The following SIN3B variants were observed in gnomAD, a reference collection of about 807,000 sequenced individuals.
SIN3B encodes SIN3 transcription regulator family member B.
A neutral mutation model predicts 120.2 loss-of-function variants in SIN3B; 19 were observed. The ratio of observed to expected loss-of-function variants is 0.16; its 90% CI spans 0.11 to 0.23. The LOEUF is 0.23. SIN3B is among the 10% of genes least tolerant of loss of function. The probability of loss-of-function intolerance (pLI) is 1.00; values close to 1 mark genes in which losing one functional copy is unlikely to be tolerated. For missense variants in SIN3B, 1,073 were observed against 1,573.0 expected, an observed-to-expected ratio of 0.68 and a Z score of 5.38; for synonymous variants, 654 against 653.2, an observed-to-expected ratio of 1.00 and a Z score of -0.02.
intron 7 of SIN3B, 83 bp from the exon 8 acceptor site, chr19:16,854,060 C>A: frequency 1.1e-6 from 1 of 946,040 alleles, no homozygotes; most frequent in South Asian, 1.5e-5. Flanking sequence ...TATCGCACAC[C>A]CATGTGGCTG....
In SIN3B at chr19:16,878,480, C is replaced by T. The variant is rs745508756; in HGVS notation, c.3163-17C>T. Reference sequence around the variant, plus strand: ...GGTCCAGCCCTCAGCTGCCCTGACACCCGGCCTCTTCAACAGGTGCAGCCC... The same window carrying T: ...GGTCCAGCCCTCAGCTGCCCTGACATCCGGCCTCTTCAACAGGTGCAGCCC... On this transcript the variant is annotated splice_polypyrimidine_tract_variant and intron_variant, in intron 18 of 18. Coordinates refer to ENST00000248054, the MANE Select transcript of SIN3B (RefSeq NM_001297595.2). 3 of 1,562,786 alleles carry T rather than the reference C, an allele frequency of 1.9e-6. No homozygotes were observed. The highest frequency in any genetic ancestry group is 2.6e-6 in the Non-Finnish European group (3 of 1,153,526).
At chr19:16,855,572 T>C (rs1384732178) in intron 8 of SIN3B, 2 of 150,952 alleles carry the variant, frequency 1.3e-5, no homozygotes, top group Non-Finnish European at 2.9e-5. Context: ...AATACAAAAA[T>C]TAGCCGGGCG....
In SIN3B at chr19:16,876,255, A is replaced by G; in HGVS notation, c.2766+27A>G. 2 of 1,594,694 alleles carry G rather than the reference A, an allele frequency of 1.3e-6. No homozygotes were observed. The highest frequency in any genetic ancestry group is 1.7e-6 in the Non-Finnish European group (2 of 1,168,020). On this transcript the variant is annotated intron_variant, in intron 15 of 18. Coordinates refer to ENST00000248054, the MANE Select transcript of SIN3B (RefSeq NM_001297595.2). The surrounding 1 kb of genome is among the most constrained non-coding windows in gnomAD (Gnocchi z 7.1). ...TGAGAGGAGGCCTGGGGCTGGGAACACGCCGGGAGGCCCGGCCGCTCACTC... is the reference window on the plus strand; with the variant it reads ...TGAGAGGAGGCCTGGGGCTGGGAACGCGCCGGGAGGCCCGGCCGCTCACTC...
Position 16,871,391 on chromosome 19 carries a change from C to T in SIN3B, c.2585C>T (p.Ala862Val), listed in dbSNP as rs1020030429. The T allele has an allele frequency of 5.0e-6, 8 of 1,603,360 alleles. No homozygotes were observed. The highest frequency in any genetic ancestry group is 4.0e-5 in the African/African-American group (3 of 74,626). Residue 862 changes from alanine to valine, a missense_variant, in exon 14 of 19, where the codon GCG becomes GTG. Around this residue, in one of 7 missense-constraint regions of SIN3B, gnomAD observed 311 missense variants for 400.3 expected, o/e 0.78. Transcript: ENST00000248054. Reference sequence around the variant, plus strand: ...ATGGACAAGCTGGTGCAGAACATTGCGCGGCAGGTGAGCCGGGCCGGGGTG... The same window carrying T: ...ATGGACAAGCTGGTGCAGAACATTGTGCGGCAGGTGAGCCGGGCCGGGGTG... ...FTMDKLVQNI[A>V]RQLHHLVSDD...
rs1014401784 is a variant in SIN3B, at chr19:16,878,622, C to T, written c.3288C>T (p.Asp1096=). 5 of 1,613,114 alleles carry T rather than the reference C, an allele frequency of 3.1e-6. No homozygotes were observed. Among genetic ancestry groups the T allele is most frequent in the African/African-American group, 2.7e-5 (2 of 74,920 alleles). Residue 1096 remains aspartate, a synonymous_variant, in exon 19 of 19, where the codon GAC becomes GAT. Coordinates refer to ENST00000248054, the MANE Select transcript of SIN3B (RefSeq NM_001297595.2). ...AGGACTGGCTGATGGGTGAGGAGGA[C>T]GAGGACATGGTACCCTGCAAGACGC... ...LVQDWLMGEE[D]EDMVPCKTLC...
chr19:16,868,192 G>A (rs1358202998), intron 12 of SIN3B, among the ~76,000 whole-genome samples: 1 of 152,220 alleles, frequency 6.6e-6, no homozygotes, highest in East Asian at 1.9e-4. Context: ...GGGGGACTTA[G>A]GAAGCAGTCA....
Position 16,841,846 on chromosome 19 carries a change from C to A in SIN3B, c.460C>A (p.Pro154Thr), listed in dbSNP as rs748849746. The A allele has an allele frequency of 2.2e-5, 35 of 1,614,050 alleles. No individual in the cohort carries two copies. In the South Asian group the frequency reaches 3.6e-4, roughly 17 times the overall value. ...VPYKEDKPQV[P>T]LESDSVEFNN... ...GTATAAAGAGGACAAACCCCAGGTG[C>A]CCCTGGAGTCCGATTCCGTGGAATT... Residue 154 changes from proline (P) to threonine (T), a missense_variant, in exon 4 of 19, where the codon CCC becomes ACC. This residue lies in a region of SIN3B where 395 missense variants were observed against 528.0 expected (regional missense o/e 0.75). Coordinates refer to ENST00000248054, the MANE Select transcript of SIN3B (RefSeq NM_001297595.2).
intron 14 of SIN3B, among the ~76,000 whole-genome samples, chr19:16,874,800 GTCTGATCTGA>G: frequency 6.6e-6 from 1 of 151,656 alleles, no homozygotes; most frequent in Non-Finnish European, 1.5e-5. Context: ...GTGTGGTTTG[GTCTGATCTGA>G]TCTGGTCTGG....
At chr19:16,865,311 C>CT in intron 10 of SIN3B, 99 bp from the exon 11 acceptor site, 2 of 554,286 alleles carry the variant, frequency 3.6e-6, no homozygotes, top group Non-Finnish European at 6.6e-6. Flanking sequence ...CACACACCCC[C>CT]CCCCCAAAAA....
In SIN3B at chr19:16,862,435, C is replaced by G; in HGVS notation, c.1142C>G (p.Ser381Cys). The change falls in exon 9 of 19, where the codon TCC (serine) becomes TGC (cysteine). Residue 381 changes from serine to cysteine, a missense_variant. Transcript: ENST00000248054. The surrounding 1 kb of genome is among the most constrained non-coding windows in gnomAD (Gnocchi z 4.7). The part of the protein sequence containing the change: ...LSFAPPMSDR[S>C]GDGISREIDY... Reference sequence around the variant, plus strand: ...TTCGCGCCACCCATGAGCGACAGATCCGGGGACGGGATAAGCCGGGAAATT... The same window carrying G: ...TTCGCGCCACCCATGAGCGACAGATGCGGGGACGGGATAAGCCGGGAAATT... The G allele has an allele frequency of 1.9e-6, 3 of 1,614,170 alleles. No individual in the cohort carries two copies. Among genetic ancestry groups the G allele is most frequent in the South Asian group, 2.2e-5 (2 of 91,082 alleles).
chr19:16,864,269 G>A (rs1393014984), intron 10 of SIN3B, among the ~76,000 whole-genome samples: 1 of 152,074 alleles, frequency 6.6e-6, no homozygotes, highest in Non-Finnish European at 1.5e-5. Flanking sequence ...ACTCCACCCT[G>A]GACAACAGAA....
At position 16,878,553 on chromosome 19, in the gene SIN3B, C is replaced by A; in HGVS notation, c.3219C>A (p.Arg1073=). The A allele has an allele frequency of 6.2e-7, 1 of 1,605,770 alleles. No homozygotes were observed. Among genetic ancestry groups the A allele is most frequent in the Non-Finnish European group, 8.5e-7 (1 of 1,176,410 alleles). ...HHQHFEEWHS[R]WLEDNVTVEA... ...AGCACTTTGAGGAGTGGCACAGCCG[C>A]TGGCTGGAGGACAATGTGACGGTGG... The change falls in exon 19 of 19, where the codon CGC becomes CGA. Residue 1073 remains arginine, a synonymous_variant. Transcript: ENST00000248054.
chr19:16,834,526 C>A (rs966773622), intron 3 of SIN3B, among the ~76,000 whole-genome samples: 1 of 152,228 alleles, frequency 6.6e-6, no homozygotes, highest in South Asian at 2.1e-4. Flanking sequence ...GCAGACCCAT[C>A]GACTTGGGGA....
At chr19:16,875,220 TTGGTCTGGTC>T (rs958347711) in intron 14 of SIN3B, among the ~76,000 whole-genome samples, 1 of 138,834 alleles carries the variant, frequency 7.2e-6, no homozygotes, top group Non-Finnish European at 1.5e-5. Context: ...CTGGTCTGGT[TTGGTCTGGTC>T]TGGTCTGGTC....
intron 3 of SIN3B, 45 bp from the exon 4 acceptor site, chr19:16,841,723 G>A (rs748557091): frequency 1.3e-6 from 2 of 1,570,002 alleles, no homozygotes; most frequent in Non-Finnish European, 1.8e-6. Context: ...TTCACAATCT[G>A]TTTCCAGTGT....
intron 14 of SIN3B, 26 bp downstream of exon 14, chr19:16,871,424 C>A: frequency 6.4e-7 from 1 of 1,573,368 alleles, no homozygotes. Flanking sequence ...GTGGGGCCGG[C>A]CCTGAGGACG....
At chr19:16,834,084 C>T (rs745776439) in intron 3 of SIN3B, among the ~76,000 whole-genome samples, 1 of 152,094 alleles carries the variant, frequency 6.6e-6, no homozygotes, top group Non-Finnish European at 1.5e-5. Flanking sequence ...GAAGAGCCTT[C>T]CATTTCCTGT....
chr19:16,876,542 C>G lies in SIN3B; in HGVS notation c.2823C>G (p.Thr941=). ...QVIMTIELLD[T]EEAQTEDPVE... ...TCATGACCATCGAGCTCCTGGACAC[C>G]GAGGAGGCCCAGACGGAGGACCCTG... The change falls in exon 16 of 19, where the codon ACC becomes ACG. Residue 941 remains threonine, a synonymous_variant. Transcript: ENST00000248054. The surrounding 1 kb of genome is among the most constrained non-coding windows in gnomAD (Gnocchi z 7.1). The G allele has an allele frequency of 6.2e-7, 1 of 1,613,492 alleles. No homozygotes were observed. Among genetic ancestry groups the G allele is most frequent in the Non-Finnish European group, 8.5e-7 (1 of 1,179,898 alleles).
At position 16,877,572 on chromosome 19, in the gene SIN3B, G is replaced by A. The variant is rs1316953951; in HGVS notation, c.2887G>A (p.Val963Met). The A allele has an allele frequency of 1.2e-6, 2 of 1,611,936 alleles. No homozygotes were observed. Among genetic ancestry groups the A allele is most frequent in the East Asian group, 4.5e-5 (2 of 44,830 alleles). ...CCTGGCTCGGTACGTGGAGCAGTAT[G>A]TGGGGACCGAGGGCGCGTCCAGCTC... ...QHLARYVEQYVGTEGASSSPT... is the reference protein window; with the variant it reads ...QHLARYVEQYMGTEGASSSPT... Residue 963 changes from valine (V) to methionine (M), a missense_variant, in exon 17 of 19, where the codon GTG (valine) becomes ATG (methionine). Physicochemically the swap from Val to Met is conservative, Grantham distance 21. Transcript: ENST00000248054.
Sources: allele counts gnomAD v4.1 joint callset (sites outside exome capture counted in the v4.1 genomes callset), GRCh38; gene constraint gnomAD v4.1.1; regional missense constraint gnomAD v4.1.1; non-coding constraint Gnocchi (gnomAD v3.1); transcripts MANE v1.5; gene names NCBI Gene and HGNC (gene_info 2026-07-23, HGNC 2026-07-21).